Variants in SHLD1 observed in about 807,000 individuals in gnomAD.
SHLD1 encodes the protein RINN1-REV7-interacting novel NHEJ regulator 3.
A neutral mutation model predicts 5.5 loss-of-function variants in SHLD1; 3 were observed. The ratio of observed to expected loss-of-function variants is 0.54; its 90% CI spans 0.25 to 1.40. The LOEUF is 1.40. Ranked by LOEUF, SHLD1 falls within the 40% of genes most tolerant of loss-of-function variation. SHLD1 has a pLI of 0.15. For missense variants in SHLD1, 210 were observed against 244.4 expected, an observed-to-expected ratio of 0.86 and a Z score of 0.94; for synonymous variants, 92 against 94.3, an observed-to-expected ratio of 0.98 and a Z score of 0.14.
intron 2 of SHLD1, among the ~76,000 whole-genome samples, chr20:5,823,257 A>ACCTCAGG (rs1252430081): frequency 2.0e-5 from 3 of 150,326 alleles, no homozygotes; most frequent in African/African-American, 7.4e-5. Flanking sequence ...CTTCTTACTG[A>ACCTCAGG]CCTCAGGCCT....
At chr20:5,763,118 C>A (rs530921429) in intron 1 of SHLD1, among the ~76,000 whole-genome samples, 16 of 151,738 alleles carry the variant, frequency 1.1e-4, no homozygotes, top group Non-Finnish European at 1.8e-4. Context: ...ACCAGCCTGA[C>A]CAACACGCAG....
chr20:5,817,432 C>CTCTCTCTCTCTGTGTGTGTGTGTGTGTG (rs1473391202), intron 2 of SHLD1, among the ~76,000 whole-genome samples: 1 of 85,588 alleles, frequency 1.2e-5, no homozygotes, highest in African/African-American at 5.6e-5. Context: ...CTCTCTCTCT[C>CTCTCTCTCTCTGTGTGTGTGTGTGTGTG]TGTGTGTGTG....
intron 2 of SHLD1, among the ~76,000 whole-genome samples, chr20:5,809,223 G>A (rs894359489): frequency 6.6e-6 from 1 of 152,056 alleles, no homozygotes; most frequent in Non-Finnish European, 1.5e-5. Flanking sequence ...GGATCTTAAC[G>A]TACATGTTTG....
At chr20:5,828,855 G>T (rs1419784332) in intron 2 of SHLD1, among the ~76,000 whole-genome samples, 1 of 152,098 alleles carries the variant, frequency 6.6e-6, no homozygotes, top group African/African-American at 2.4e-5. Flanking sequence ...TGATAGTCTA[G>T]CCAGATTCTA....
intron 2 of SHLD1, among the ~76,000 whole-genome samples, chr20:5,833,291 G>T (rs758366683): frequency 3.9e-5 from 6 of 152,220 alleles, no homozygotes; most frequent in Admixed American, 2.0e-4. Flanking sequence ...AGGGGTACAC[G>T]TGCAGGTTTA....
At chr20:5,759,986 T>TTA (rs1170936174) in intron 1 of SHLD1, among the ~76,000 whole-genome samples, 1 of 97,128 alleles carries the variant, frequency 1.0e-5, no homozygotes, top group East Asian at 3.5e-4. Context: ...CTCTGTATTT[T>TTA]TATACACACA....
chr20:5,758,467 G>A (rs1327031957), intron 1 of SHLD1, among the ~76,000 whole-genome samples: 1 of 151,544 alleles, frequency 6.6e-6, no homozygotes, highest in Non-Finnish European at 1.5e-5. Context: ...TGTCCAGGCT[G>A]GAGTGCAATG....
chr20:5,757,802 C>T (rs1984205565), intron 1 of SHLD1, among the ~76,000 whole-genome samples: 1 of 152,112 alleles, frequency 6.6e-6, no homozygotes, highest in Non-Finnish European at 1.5e-5. Context: ...GGGGTTTCAC[C>T]ATGTTGGCCA....
chr20:5,758,209 T>G (rs1984235383), intron 1 of SHLD1, among the ~76,000 whole-genome samples: 1 of 147,820 alleles, frequency 6.8e-6, no homozygotes, highest in African/African-American at 2.5e-5. Context: ...GTCCATTATG[T>G]CAGATGCAGG....
At chr20:5,768,266 C>T (rs1039680729) in intron 1 of SHLD1, among the ~76,000 whole-genome samples, 4 of 152,284 alleles carry the variant, frequency 2.6e-5, no homozygotes, top group Admixed American at 1.3e-4. Context: ...TGAGCCACAA[C>T]GCCCAGCCAA....
intron 2 of SHLD1, among the ~76,000 whole-genome samples, chr20:5,774,265 G>T (rs1446472371): frequency 6.6e-6 from 1 of 152,076 alleles, no homozygotes; most frequent in African/African-American, 2.4e-5. Flanking sequence ...TTTTTAGAAA[G>T]AACTCATTGT....
chr20:5,770,106 G>A (rs1395860395), intron 1 of SHLD1, among the ~76,000 whole-genome samples: 1 of 152,012 alleles, frequency 6.6e-6, no homozygotes, highest in Admixed American at 6.6e-5. Flanking sequence ...ACTTTCTGAG[G>A]TTACATCAGA....
rs1003692916 is a variant in SHLD1 at position 5,778,652 on chromosome 20, A to G, written c.178+5609A>G. 6.7e-4 allele frequency among the ~76,000 whole-genome samples: 102 copies of G among 152,164 alleles called. 1 individual carries two copies. Among genetic ancestry groups the G allele is most frequent in the Admixed American group, 2.1e-3 (32 of 15,272 alleles). On this transcript the variant is annotated intron_variant, in intron 2 of 2. Transcript: ENST00000303142. Reference sequence around the variant, plus strand: ...ACCAGATCACCCAGAGCTTCCCAAGAACTAAGTGAGAATGGTATCTTTCAG... The same window carrying G: ...ACCAGATCACCCAGAGCTTCCCAAGGACTAAGTGAGAATGGTATCTTTCAG...
At chr20:5,791,214 G>A (rs2087134144) in intron 2 of SHLD1, among the ~76,000 whole-genome samples, 1 of 150,850 alleles carries the variant, frequency 6.6e-6, no homozygotes, top group Non-Finnish European at 1.5e-5. Context: ...TCAATTATAA[G>A]TTCTCTTGAA....
At chr20:5,802,289 A>G (rs2087304799) in intron 2 of SHLD1, among the ~76,000 whole-genome samples, 3 of 152,168 alleles carry the variant, frequency 2.0e-5, no homozygotes, top group Admixed American at 6.5e-5. Context: ...TTGGTCCTCC[A>G]GGCCCTGCTT....
intron 2 of SHLD1, among the ~76,000 whole-genome samples, chr20:5,775,058 G>A (rs1985362611): frequency 6.6e-6 from 1 of 152,088 alleles, no homozygotes; most frequent in African/African-American, 2.4e-5. Context: ...TATTTATTTA[G>A]AGACAGGGTT....
intron 2 of SHLD1, among the ~76,000 whole-genome samples, chr20:5,788,827 G>A (rs1379224190): frequency 6.6e-6 from 1 of 152,156 alleles, no homozygotes; most frequent in African/African-American, 2.4e-5. Flanking sequence ...ATACACACAT[G>A]AATAGTGATG....
intron 2 of SHLD1, among the ~76,000 whole-genome samples, chr20:5,824,338 C>A (rs1374905875): frequency 6.6e-6 from 1 of 152,228 alleles, no homozygotes; most frequent in Non-Finnish European, 1.5e-5. Context: ...CAACCTGGGC[C>A]TCCATTCACC....
intron 2 of SHLD1, among the ~76,000 whole-genome samples, chr20:5,860,328 A>G (rs943554733): frequency 1.3e-5 from 2 of 152,188 alleles, no homozygotes; most frequent in South Asian, 4.1e-4. Context: ...CTATCCCCCC[A>G]GAGGTTTGTT....
Sources: gnomAD v4.1 joint callset for allele counts (sites outside exome capture counted in the v4.1 genomes callset) on GRCh38, gnomAD v4.1.1 for gene constraint, MANE v1.5 for transcripts, NCBI Gene and HGNC (gene_info 2026-07-23, HGNC 2026-07-21) for gene names.